Variants in DAPK1 observed in about 807,000 individuals in gnomAD.
DAPK1 encodes the protein death associated protein kinase 1, also known as death-associated protein kinase 1.
In DAPK1, 56 loss-of-function variants were observed where a neutral mutation model predicts 144.9. The ratio of observed to expected loss-of-function variants is 0.39; its 90% confidence interval spans 0.31 to 0.48. The LOEUF (loss-of-function observed/expected upper bound fraction) is 0.48. Ranked by LOEUF, DAPK1 falls within the 20% of genes least tolerant of loss-of-function variation. The pLI is 0.95. For synonymous variants in DAPK1, 690 were observed against 749.0 expected (o/e 0.92, Z 1.29); for missense variants, 1,454 against 1,875.4 (o/e 0.78, Z 4.15).
chr9:87,526,308 A>T (rs925576501), intron 2 of DAPK1, among the ~76,000 whole-genome samples: 1 of 152,202 alleles, frequency 6.6e-6, no homozygotes, highest in African/African-American at 2.4e-5. Context: ...CCATGTGTGT[A>T]TTAGAGTTAA....
chr9:87,507,812 C>T (rs551459252), intron 2 of DAPK1, among the ~76,000 whole-genome samples: 2 of 152,104 alleles, frequency 1.3e-5, no homozygotes, highest in African/African-American at 2.4e-5. Context: ...GCTCGAGGTA[C>T]GGACTTCTTT....
At chr9:87,634,863 C>T (rs763768108) in intron 3 of DAPK1, among the ~76,000 whole-genome samples, 7 of 152,042 alleles carry the variant, frequency 4.6e-5, no homozygotes, top group East Asian at 1.9e-4. Flanking sequence ...CCCACCCCAA[C>T]GCCAAAGAAC....
intron 17 of DAPK1, among the ~76,000 whole-genome samples, chr9:87,652,904 G>C (rs140025677): frequency 8.3e-6 from 1 of 120,600 alleles, no homozygotes; most frequent in Admixed American, 8.7e-5. Context: ...ACCTGATCCC[G>C]GGTCCTGATT....
intron 18 of DAPK1, 145 bp downstream of exon 18, chr9:87,658,272 C>T (rs1830702478): frequency 1.7e-6 from 1 of 598,172 alleles, no homozygotes; most frequent in Admixed American, 3.0e-5. Context: ...ACTGCGGTAA[C>T]ATAGACATTC....
chr9:87,650,843 C>A (rs887623084), intron 16 of DAPK1, among the ~76,000 whole-genome samples: 4 of 152,178 alleles, frequency 2.6e-5, no homozygotes, highest in Non-Finnish European at 5.9e-5. Flanking sequence ...TACTAAACAT[C>A]CTGCAGCTCA....
At chr9:87,558,882 C>T (rs7020417) in intron 2 of DAPK1, among the ~76,000 whole-genome samples, 66,649 of 152,088 alleles carry the variant, frequency 0.44, 17,302 homozygotes, top group African/African-American at 0.72. Flanking sequence ...AGAAACCAGA[C>T]TGCCTGGAAC....
In DAPK1 at chr9:87,544,436, A is replaced by C. The variant is rs572700057; in HGVS notation, c.62+45297A>C. On this transcript the variant is annotated intron_variant, in intron 2 of 25. Coordinates refer to ENST00000408954, the MANE Select transcript of DAPK1 (RefSeq NM_004938.4). ...GAAAAATGTTATAGATATGGTGAAG[A>C]ATATATAGTACATGAGAATATATGT... Among the ~76,000 whole-genome samples the C allele has an allele frequency of 4.1e-4, 62 of 152,346 alleles. 2 individuals carry two copies. The highest frequency in any genetic ancestry group is 1.4e-3 in the African/African-American group (57 of 41,588).
At chr9:87,570,838 T>G (rs1435671957) in intron 2 of DAPK1, among the ~76,000 whole-genome samples, 1 of 151,728 alleles carries the variant, frequency 6.6e-6, no homozygotes, top group East Asian at 1.9e-4. Context: ...CGAGTAAGAG[T>G]CTCAGAGATT....
At chr9:87,508,684 C>A (rs1317519021) in intron 2 of DAPK1, among the ~76,000 whole-genome samples, 6 of 152,146 alleles carry the variant, frequency 3.9e-5, no homozygotes, top group African/African-American at 1.4e-4. Flanking sequence ...ACCCCTGACA[C>A]CTGACCCACA....
In DAPK1 at chr9:87,507,585, A is replaced by G. The variant is rs576811583; in HGVS notation, c.62+8446A>G. 2.4e-4 allele frequency among the ~76,000 whole-genome samples: 36 copies of G among 152,234 alleles called. No homozygotes were observed. The South Asian group carries it at 6.8e-3, about 29-fold the overall frequency. ...AAAATTTTATTCAGTAACCTAACAT[A>G]TAATTAGAGATGCCAGAGTGGTGGG... On this transcript the variant is annotated intron_variant, in intron 2 of 25. Transcript: ENST00000408954.
intron 15 of DAPK1, among the ~76,000 whole-genome samples, chr9:87,649,236 AAC>A (rs1260376862): frequency 6.6e-6 from 1 of 152,192 alleles, no homozygotes; most frequent in Non-Finnish European, 1.5e-5. Flanking sequence ...CTGGGGCTTG[AAC>A]ACACACAGTC....
intron 2 of DAPK1, among the ~76,000 whole-genome samples, chr9:87,589,055 A>ATTTTTTTTTTTTT (rs35875159): frequency 6.9e-5 from 7 of 101,200 alleles, no homozygotes; most frequent in African/African-American, 1.6e-4. Context: ...CGCCCGGCTA[A>ATTTTTTTTTTTTT]TTTTTTTTTT....
chr9:87,593,765 C>T (rs893351831), intron 2 of DAPK1, among the ~76,000 whole-genome samples: 6 of 152,098 alleles, frequency 3.9e-5, no homozygotes, highest in Non-Finnish European at 8.8e-5. Context: ...TTTTTTCAGC[C>T]GAGAGCAGCT....
chr9:87,567,283 G>C (rs576091800), intron 2 of DAPK1, among the ~76,000 whole-genome samples: 2 of 152,134 alleles, frequency 1.3e-5, no homozygotes, highest in Non-Finnish European at 2.9e-5. Context: ...GCCATCTGCT[G>C]TCTCCTCGAC....
intron 2 of DAPK1, among the ~76,000 whole-genome samples, chr9:87,519,632 C>A (rs1368545727): frequency 6.6e-6 from 1 of 152,144 alleles, no homozygotes; most frequent in Non-Finnish European, 1.5e-5. Context: ...CTGCCTTTTT[C>A]TCTGCCCTAT....
chr9:87,603,744 C>A (rs1369893092), intron 2 of DAPK1, among the ~76,000 whole-genome samples: 2 of 152,096 alleles, frequency 1.3e-5, no homozygotes, highest in African/African-American at 4.8e-5. Context: ...TAGGGAAGAA[C>A]GAAGGGCACC....
chr9:87,613,509 A>G (rs1828997902), intron 3 of DAPK1, among the ~76,000 whole-genome samples: 1 of 152,226 alleles, frequency 6.6e-6, no homozygotes, highest in Admixed American at 6.5e-5. Context: ...CTCTCTCATA[A>G]CCAAACTGAG....
chr9:87,673,514 G>A (rs1413146196), intron 19 of DAPK1, among the ~76,000 whole-genome samples: 3 of 152,176 alleles, frequency 2.0e-5, no homozygotes, highest in Admixed American at 2.0e-4. Context: ...CAGGGGAGAG[G>A]GACTGGCTGT....
intron 2 of DAPK1, among the ~76,000 whole-genome samples, chr9:87,582,180 C>T (rs1827775294): frequency 6.6e-6 from 1 of 151,840 alleles, no homozygotes; most frequent in Non-Finnish European, 1.5e-5. Flanking sequence ...TGAAATGGGT[C>T]TACGTAAAAC....
Sources: gnomAD v4.1 joint callset for allele counts (sites outside exome capture counted in the v4.1 genomes callset) on GRCh38, gnomAD v4.1.1 for gene constraint, MANE v1.5 for transcripts, NCBI Gene and HGNC (gene_info 2026-07-23, HGNC 2026-07-21) for gene names.